The following MTHFD1L variants were observed in gnomAD, a reference collection of about 807,000 sequenced individuals.
The protein encoded by MTHFD1L is monofunctional C1-tetrahydrofolate synthase, mitochondrial.
A neutral mutation model predicts 119.5 loss-of-function variants in MTHFD1L; 81 were observed. The observed-to-expected ratio is 0.68, with a 90% CI of 0.57 to 0.82. The LOEUF (loss-of-function observed/expected upper bound fraction) is 0.82. Ranked by LOEUF, MTHFD1L falls within the 40% of genes least tolerant of loss-of-function variation. The pLI is 0.00. For synonymous variants in MTHFD1L, 430 were observed against 475.2 expected, an observed-to-expected ratio of 0.90 and a Z score of 1.24; for missense variants, 1,125 against 1,253.4, an observed-to-expected ratio of 0.90 and a Z score of 1.55.
At chr6:150,929,917 G>A (rs1219335713) in intron 11 of MTHFD1L, among the ~76,000 whole-genome samples, 1 of 152,100 alleles carries the variant, frequency 6.6e-6, no homozygotes, top group Admixed American at 6.5e-5. Context: ...TATGATATAT[G>A]TATGCATTTG....
rs1162643763 is a variant in MTHFD1L at position 151,039,978 on chromosome 6, G to A, written c.2847+2861G>A. The stretch of plus-strand genomic sequence containing the variant: ...CATGCATACATGCATACATAGAATG[G>A]CCTCAGTGATGGCCACTTTACTCCT... On this transcript the variant is annotated intron_variant, in intron 26 of 27. Coordinates refer to ENST00000367321, the MANE Select transcript of MTHFD1L (RefSeq NM_015440.5). This position sits in a 1 kb window ranked among gnomAD's most constrained non-coding sequence, Gnocchi z 4.4. 1.0e-4 allele frequency among the ~76,000 whole-genome samples: 15 copies of A among 149,694 alleles called. No individual in the cohort carries two copies. Among genetic ancestry groups the A allele is most frequent in the African/African-American group, 3.4e-4 (14 of 40,618 alleles).
At chr6:151,065,858 A>C (rs555245887) in intron 26 of MTHFD1L, among the ~76,000 whole-genome samples, 1 of 152,220 alleles carries the variant, frequency 6.6e-6, no homozygotes, top group African/African-American at 2.4e-5. Flanking sequence ...CCAGACCCCA[A>C]GGGCTGTTGC....
At chr6:151,036,927 T>C (rs1786266063) in intron 25 of MTHFD1L, 38 bp from the exon 26 acceptor site, 2 of 1,609,890 alleles carry the variant, frequency 1.2e-6, no homozygotes, top group African/African-American at 2.7e-5. Flanking sequence ...GAGACTAACA[T>C]CTGTATCAGT....
At chr6:151,050,298 G>C (rs1788819100) in intron 26 of MTHFD1L, among the ~76,000 whole-genome samples, 1 of 152,150 alleles carries the variant, frequency 6.6e-6, no homozygotes. Flanking sequence ...GAGTAGCTGG[G>C]ATTACAGGCA....
At chr6:150,877,286 C>T (rs1234302693) in intron 2 of MTHFD1L, among the ~76,000 whole-genome samples, 2 of 152,160 alleles carry the variant, frequency 1.3e-5, no homozygotes, top group African/African-American at 2.4e-5. Flanking sequence ...CTCCTGGGCT[C>T]AAGCAATCCA....
intron 8 of MTHFD1L, among the ~76,000 whole-genome samples, chr6:150,906,914 G>A (rs1786011934): frequency 6.6e-6 from 1 of 152,050 alleles, no homozygotes; most frequent in African/African-American, 2.4e-5. Context: ...GGCATTAAGA[G>A]CTGTGGCCCT....
At chr6:150,910,339 G>A (rs958393244) in intron 8 of MTHFD1L, among the ~76,000 whole-genome samples, 6 of 151,756 alleles carry the variant, frequency 4.0e-5, no homozygotes, top group African/African-American at 7.3e-5. Context: ...TGAGGCAGGC[G>A]GATCACCTGC....
chr6:150,893,663 G>T (rs1475123841), intron 7 of MTHFD1L, among the ~76,000 whole-genome samples: 1 of 152,126 alleles, frequency 6.6e-6, no homozygotes, highest in African/African-American at 2.4e-5. Context: ...CGGTGTGACT[G>T]TGTAACACTA....
intron 20 of MTHFD1L, among the ~76,000 whole-genome samples, chr6:150,988,593 G>A (rs2128438602): frequency 7.9e-6 from 1 of 126,954 alleles, no homozygotes; most frequent in African/African-American, 3.3e-5. Flanking sequence ...GATTATTAGG[G>A]CTTTCTTTTT....
rs752073749 is a variant in MTHFD1L at position 150,960,345 on chromosome 6, T to C, written c.1874T>C (p.Met625Thr). The change falls in exon 18 of 28, where the codon ATG (methionine) becomes ACG (threonine). Residue 625 changes from methionine (M) to threonine (T), a missense_variant. Coordinates refer to ENST00000367321, the MANE Select transcript of MTHFD1L (RefSeq NM_015440.5). ...VLALTDSLAD[M>T]KARLGRMVVA... ...GCCCTGACGGACAGCCTCGCAGACA[T>C]GAAGGCACGGCTGGGAAGGATGGTG... 6 of 1,613,988 alleles carry C rather than the reference T, an allele frequency of 3.7e-6. No individual in the cohort carries two copies. The Admixed American group carries it at 6.7e-5, about 18-fold the overall frequency.
rs538521625 is a variant in MTHFD1L, at chr6:151,050,584, T to A, written c.2847+13467T>A. Reference sequence around the variant, plus strand: ...CCTAGGAACTCCAATTTGAAACCAGTTGGTCAGAAGTTCCAGAGGCCCAGA... The same window carrying A: ...CCTAGGAACTCCAATTTGAAACCAGATGGTCAGAAGTTCCAGAGGCCCAGA... On this transcript the variant is annotated intron_variant, in intron 26 of 27. Transcript: ENST00000367321. Among the ~76,000 whole-genome samples, 6 of 152,322 alleles carry A rather than the reference T, an allele frequency of 3.9e-5. No homozygotes were observed. The East Asian group carries it at 1.2e-3, about 29-fold the overall frequency.
At chr6:151,064,390 G>T (rs1481380795) in intron 26 of MTHFD1L, among the ~76,000 whole-genome samples, 1 of 152,046 alleles carries the variant, frequency 6.6e-6, no homozygotes, top group African/African-American at 2.4e-5. Flanking sequence ...TTGGCTCATT[G>T]CAACCTCCGC....
chr6:150,910,159 CAG>C (rs1246125464), intron 8 of MTHFD1L, among the ~76,000 whole-genome samples: 1 of 151,412 alleles, frequency 6.6e-6, no homozygotes, highest in Admixed American at 6.6e-5. Flanking sequence ...CCAGCCTGGG[CAG>C]CAAGAGCAAA....
chr6:150,866,430 C>T (rs1583258995), intron 1 of MTHFD1L: 1 of 1,340,440 alleles, frequency 7.5e-7, no homozygotes, highest in South Asian at 1.8e-5. Context: ...GGGGAGGGGG[C>T]GAGGAGCAGG....
intron 20 of MTHFD1L, among the ~76,000 whole-genome samples, chr6:151,007,214 C>T (rs551661315): frequency 2.0e-5 from 3 of 151,974 alleles, no homozygotes; most frequent in African/African-American, 7.2e-5. Context: ...GACTCCATCA[C>T]CCCCTCTCTC....
chr6:150,996,648 C>T (rs920302039), intron 20 of MTHFD1L, among the ~76,000 whole-genome samples: 2 of 152,158 alleles, frequency 1.3e-5, no homozygotes, highest in Non-Finnish European at 2.9e-5. Flanking sequence ...GAGCCTACAG[C>T]CCCAGGCCTG....
At position 151,036,953 on chromosome 6, in the gene MTHFD1L, C is replaced by T. The variant is rs749705107; in HGVS notation, c.2695-12C>T. On this transcript the variant is annotated splice_polypyrimidine_tract_variant and intron_variant, in intron 25 of 27. Transcript: ENST00000367321. ...CTGTATCAGTGAACACATTTTCTTT[C>T]CTTTCTCACAGGGTTTTGGAAATTT... is the stretch of plus-strand genomic sequence containing the variant. 53 of 1,611,786 alleles carry T rather than the reference C, an allele frequency of 3.3e-5. No homozygotes were observed. Among genetic ancestry groups the T allele is most frequent in the Non-Finnish European group, 4.3e-5 (51 of 1,179,774 alleles).
intron 6 of MTHFD1L, among the ~76,000 whole-genome samples, chr6:150,886,994 G>GAAAAAAAAAAAAA (rs200424889): frequency 9.7e-6 from 1 of 103,198 alleles, no homozygotes; most frequent in Admixed American, 1.1e-4. Context: ...GATCCTATCT[G>GAAAAAAAAAAAAA]AAAAAAAAAA....
chr6:151,002,527 C>T (rs565146955), intron 20 of MTHFD1L, among the ~76,000 whole-genome samples: 16 of 152,284 alleles, frequency 1.1e-4, no homozygotes, highest in African/African-American at 3.4e-4. Context: ...CATGCTGCCC[C>T]ATGTTGAGAG....
Sources: allele counts gnomAD v4.1 joint callset (sites outside exome capture counted in the v4.1 genomes callset), GRCh38; gene constraint gnomAD v4.1.1; non-coding constraint Gnocchi (gnomAD v3.1); transcripts MANE v1.5; gene names NCBI Gene and HGNC (gene_info 2026-07-23, HGNC 2026-07-21).